Variants in CSNK2A2IP observed in about 807,000 individuals in gnomAD.
The protein encoded by CSNK2A2IP is casein kinase 2 subunit alpha' interacting protein, also known as casein kinase II subunit alpha'-interacting protein.
At chr3:88,414,563 G>A in the CSNK2A2IP span, among the ~76,000 whole-genome samples, 3 of 151,984 alleles carry the variant, frequency 2.0e-5, no homozygotes, top group Non-Finnish European at 2.9e-5. Context: ...TTACAGGCAT[G>A]AGCCACAGCA....
chr3:88,348,178 TAGAC>T, the CSNK2A2IP span, among the ~76,000 whole-genome samples: 1 of 129,068 alleles, frequency 7.7e-6, no homozygotes, highest in African/African-American at 2.7e-5. Context: ...GTAGTTTCTG[TAGAC>T]AGAATGATTT....
chr3:88,354,954 G>T, the CSNK2A2IP span, among the ~76,000 whole-genome samples: 1 of 152,030 alleles, frequency 6.6e-6, no homozygotes, highest in Non-Finnish European at 1.5e-5. Context: ...AGTGTTCTTG[G>T]GGAGAATAAA....
the CSNK2A2IP span, among the ~76,000 whole-genome samples, chr3:88,460,259 CAA>C: frequency 6.6e-6 from 1 of 152,024 alleles, no homozygotes; most frequent in South Asian, 2.1e-4. Context: ...ATGCTTCTAG[CAA>C]AATACTTTCT....
At chr3:88,462,339 T>C in the CSNK2A2IP span, among the ~76,000 whole-genome samples, 1 of 152,062 alleles carries the variant, frequency 6.6e-6, no homozygotes, top group African/African-American at 2.4e-5. Context: ...CTGTAGTATA[T>C]TGTAGCATGT....
chr3:88,349,229 C>G, the CSNK2A2IP span, among the ~76,000 whole-genome samples: 1 of 151,866 alleles, frequency 6.6e-6, no homozygotes, highest in East Asian at 1.9e-4. Context: ...TAGTGCACCC[C>G]TCACCCAAGA....
chr3:88,406,243 T>G, the CSNK2A2IP span, among the ~76,000 whole-genome samples: 1 of 152,082 alleles, frequency 6.6e-6, no homozygotes. Context: ...ATTGAAACAA[T>G]AAAATTTTAT....
At chr3:88,461,835 G>A in the CSNK2A2IP span, among the ~76,000 whole-genome samples, 2 of 151,922 alleles carry the variant, frequency 1.3e-5, no homozygotes, top group African/African-American at 4.8e-5. Context: ...GCATTGTCAT[G>A]GCTCACTGCA....
the CSNK2A2IP span, among the ~76,000 whole-genome samples, chr3:88,347,645 G>A: frequency 2.0e-5 from 3 of 152,116 alleles, 1 homozygote; most frequent in African/African-American, 4.8e-5. Flanking sequence ...CATAATTTTT[G>A]TATGTACTGA....
the CSNK2A2IP span, among the ~76,000 whole-genome samples, chr3:88,364,638 T>G: frequency 1.3e-5 from 2 of 152,188 alleles, no homozygotes; most frequent in African/African-American, 4.8e-5. Flanking sequence ...TGATGACTTG[T>G]AAAAGGCTTA....
chr3:88,398,705 C>G, the CSNK2A2IP span, among the ~76,000 whole-genome samples: 1 of 152,108 alleles, frequency 6.6e-6, no homozygotes. Context: ...AAGTTGAAAG[C>G]TATTCTGGCC....
chr3:88,414,855 A>C, the CSNK2A2IP span, among the ~76,000 whole-genome samples: 1 of 151,992 alleles, frequency 6.6e-6, no homozygotes. Context: ...TTAAATAGGA[A>C]AGACGAGCAT....
the CSNK2A2IP span, among the ~76,000 whole-genome samples, chr3:88,463,044 A>T: frequency 6.6e-6 from 1 of 152,352 alleles, no homozygotes; most frequent in East Asian, 1.9e-4. Flanking sequence ...GGGAAAAGTC[A>T]CCTTGACATA....
chr3:88,443,748 A>G, the CSNK2A2IP span, among the ~76,000 whole-genome samples: 11 of 152,206 alleles, frequency 7.2e-5, no homozygotes, highest in African/African-American at 2.7e-4. Context: ...ATCTACTGAA[A>G]ACGGTTGTTG....
At chr3:88,386,671 A>G in the CSNK2A2IP span, among the ~76,000 whole-genome samples, 1 of 152,174 alleles carries the variant, frequency 6.6e-6, no homozygotes, top group East Asian at 1.9e-4. Flanking sequence ...CGCATGTTGG[A>G]TGTTATTGGG....
the CSNK2A2IP span, among the ~76,000 whole-genome samples, chr3:88,359,729 A>C: frequency 1.3e-5 from 2 of 152,318 alleles, no homozygotes; most frequent in African/African-American, 4.8e-5. Context: ...CAGAAAAGAT[A>C]CTTGGCATGA....
At chr3:88,418,437 AGT>A in the CSNK2A2IP span, among the ~76,000 whole-genome samples, 32 of 122,094 alleles carry the variant, frequency 2.6e-4, no homozygotes, top group East Asian at 6.4e-4. Flanking sequence ...ACTGAATGTC[AGT>A]GTGTGTGTGT....
the CSNK2A2IP span, chr3:88,464,976 T>C: frequency 6.2e-6 from 1 of 161,484 alleles, no homozygotes; most frequent in Non-Finnish European, 1.3e-5. Context: ...GCACATGTAG[T>C]GGCTGGAATT....
the CSNK2A2IP span, among the ~76,000 whole-genome samples, chr3:88,449,068 C>T: frequency 6.6e-6 from 1 of 152,012 alleles, no homozygotes; most frequent in African/African-American, 2.4e-5. Flanking sequence ...CTCCTTCCTC[C>T]TTCCCTTCTC....
chr3:88,353,559 T>C, the CSNK2A2IP span, among the ~76,000 whole-genome samples: 1 of 152,176 alleles, frequency 6.6e-6, no homozygotes, highest in African/African-American at 2.4e-5. Flanking sequence ...TGGCCAATGT[T>C]GGAAAAGTAG....
Sources: gnomAD v4.1 joint callset for allele counts (sites outside exome capture counted in the v4.1 genomes callset) on GRCh38, gnomAD v4.1.1 for gene constraint, MANE v1.5 for transcripts, NCBI Gene and HGNC (gene_info 2026-07-23, HGNC 2026-07-21) for gene names.